The following DOCK1 variants were observed in gnomAD, a reference collection of about 807,000 sequenced individuals.
DOCK1 encodes the protein dedicator of cytokinesis protein 1.
A neutral mutation model predicts 262.7 loss-of-function variants in DOCK1; 138 were observed. That is an observed-to-expected ratio of 0.53 (90% CI 0.46 to 0.61). The LOEUF is 0.61. Ranked by LOEUF, DOCK1 falls within the 20% of genes least tolerant of loss-of-function variation. The pLI is 0.00. For missense variants in DOCK1, 1,908 were observed against 2,370.7 expected, an observed-to-expected ratio of 0.80 and a Z score of 4.05; for synonymous variants, 866 against 867.4, an observed-to-expected ratio of 1.00 and a Z score of 0.03.
At chr10:127,098,290 G>A (rs1478463986) in intron 23 of DOCK1, among the ~76,000 whole-genome samples, 2 of 152,116 alleles carry the variant, frequency 1.3e-5, no homozygotes, top group African/African-American at 4.8e-5. Context: ...TTGTGATTTG[G>A]GAACTGATTC....
intron 27 of DOCK1, among the ~76,000 whole-genome samples, chr10:127,179,642 G>A (rs1365899707): frequency 6.6e-6 from 1 of 152,128 alleles, no homozygotes; most frequent in Non-Finnish European, 1.5e-5. Flanking sequence ...TTTATTGGGG[G>A]TGGAGGGTAA....
chr10:127,210,075 C>T (rs2057907622), intron 27 of DOCK1, among the ~76,000 whole-genome samples: 2 of 152,168 alleles, frequency 1.3e-5, no homozygotes, highest in Admixed American at 1.3e-4. Flanking sequence ...TGATGCGATG[C>T]CAGACTTCCC....
intron 23 of DOCK1, among the ~76,000 whole-genome samples, chr10:127,086,165 C>T (rs1354465517): frequency 7.1e-6 from 1 of 140,526 alleles, no homozygotes; most frequent in South Asian, 2.5e-4. Context: ...CAGTCCTGTT[C>T]TGTGCTGCTG....
rs74158632 is a variant in DOCK1, at chr10:127,198,925, C to T, written c.2848-49083C>T. 6.9e-3 allele frequency among the ~76,000 whole-genome samples: 1,050 copies of T among 152,044 alleles called. 15 individuals carry two copies. The highest frequency in any genetic ancestry group is 0.024 in the African/African-American group (977 of 41,472). Reference sequence around the variant, plus strand: ...TCCAGGCTTTAAAGCAAGCATCATGCTGGGGGCTGGCTGGAGAGAAGGGAG... The same window carrying T: ...TCCAGGCTTTAAAGCAAGCATCATGTTGGGGGCTGGCTGGAGAGAAGGGAG... On this transcript the variant is annotated intron_variant, in intron 27 of 51. Transcript: ENST00000623213.
intron 1 of DOCK1, among the ~76,000 whole-genome samples, chr10:126,921,052 TA>T (rs2033138636): frequency 6.6e-6 from 1 of 151,698 alleles, no homozygotes. Flanking sequence ...CAAAAACAAT[TA>T]GTTGGGCGTG....
At chr10:126,981,857 T>G (rs745869457) in intron 3 of DOCK1, 61 bp from the exon 4 acceptor site, 3 of 1,549,062 alleles carry the variant, frequency 1.9e-6, no homozygotes, top group Non-Finnish European at 1.8e-6. Context: ...AACTATTGTT[T>G]GATTTACATT....
At chr10:127,408,361 T>C (rs549097445) in intron 40 of DOCK1, among the ~76,000 whole-genome samples, 11 of 152,192 alleles carry the variant, frequency 7.2e-5, no homozygotes, top group Non-Finnish European at 1.6e-4. Context: ...TGTTGATGAA[T>C]AATGACCTGC....
At chr10:127,144,544 C>T (rs529882056) in intron 27 of DOCK1, among the ~76,000 whole-genome samples, 72 of 152,294 alleles carry the variant, frequency 4.7e-4, no homozygotes, top group Middle Eastern at 3.4e-3. Context: ...GAACCAAATC[C>T]CCTCACTTCT....
chr10:127,405,680 C>T (rs1341033573), intron 40 of DOCK1, among the ~76,000 whole-genome samples: 2 of 152,122 alleles, frequency 1.3e-5, no homozygotes, highest in African/African-American at 2.4e-5. Context: ...GGATACAGAC[C>T]TCCCCTTAGG....
At chr10:126,916,927 G>C (rs2032567183) in intron 1 of DOCK1, among the ~76,000 whole-genome samples, 1 of 123,502 alleles carries the variant, frequency 8.1e-6, no homozygotes, top group Admixed American at 8.3e-5. Flanking sequence ...TGAGGCCAGC[G>C]GTGTTTCAGA....
chr10:127,339,625 T>TTGTGTGTGTTTG (rs1201195638), intron 30 of DOCK1, among the ~76,000 whole-genome samples: 1 of 139,450 alleles, frequency 7.2e-6, no homozygotes, highest in Non-Finnish European at 1.6e-5. Flanking sequence ...GTGTGTGTGT[T>TTGTGTGTGTTTG]TGTGTGTGTG....
intron 1 of DOCK1, among the ~76,000 whole-genome samples, chr10:126,966,588 G>A (rs1382125263): frequency 2.0e-5 from 3 of 152,024 alleles, no homozygotes; most frequent in African/African-American, 7.3e-5. Context: ...TATCCTAACT[G>A]GGGTGAGATA....
At chr10:127,206,121 A>G (rs1171023573) in intron 27 of DOCK1, among the ~76,000 whole-genome samples, 6 of 146,536 alleles carry the variant, frequency 4.1e-5, no homozygotes, top group South Asian at 4.4e-4. Context: ...GTCATCTACC[A>G]TATATTCTTC....
intron 28 of DOCK1, among the ~76,000 whole-genome samples, chr10:127,254,170 C>T (rs747854898): frequency 3.3e-5 from 5 of 152,166 alleles, no homozygotes; most frequent in Admixed American, 6.5e-5. Flanking sequence ...GTCCTTTTCA[C>T]GCATTGCATT....
chr10:127,369,203 A>G (rs2065081016), intron 33 of DOCK1, among the ~76,000 whole-genome samples: 1 of 152,126 alleles, frequency 6.6e-6, no homozygotes, highest in South Asian at 2.1e-4. Flanking sequence ...AGGCCAATGT[A>G]TTTTCCACTG....
chr10:127,442,863 T>C (rs1393871721), intron 49 of DOCK1, among the ~76,000 whole-genome samples: 1 of 152,226 alleles, frequency 6.6e-6, no homozygotes. Context: ...CTTGCAATAA[T>C]ACTCAGCCAC....
chr10:127,125,305 A>C (rs1042199468), intron 25 of DOCK1, among the ~76,000 whole-genome samples, 169 bp from the exon 26 acceptor site: 2 of 152,260 alleles, frequency 1.3e-5, no homozygotes. Flanking sequence ...TTACAATAAC[A>C]GCAGACACGG....
chr10:127,136,126 T>G (rs1444455903), intron 27 of DOCK1: 3 of 152,328 alleles, frequency 2.0e-5, no homozygotes, highest in Non-Finnish European at 4.4e-5. Flanking sequence ...GTGTTTTAAA[T>G]TAAAGCATAC....
intron 23 of DOCK1, among the ~76,000 whole-genome samples, chr10:127,090,204 T>C (rs2047434090): frequency 6.6e-6 from 1 of 152,170 alleles, no homozygotes; most frequent in Non-Finnish European, 1.5e-5. Flanking sequence ...GGCTTGCATT[T>C]GGCAAGACAT....
Sources: gnomAD v4.1 joint callset for allele counts (sites outside exome capture counted in the v4.1 genomes callset) on GRCh38, gnomAD v4.1.1 for gene constraint, MANE v1.5 for transcripts, NCBI Gene and HGNC (gene_info 2026-07-23, HGNC 2026-07-21) for gene names.